DGKI: variants seen among roughly 807,000 people sequenced by gnomAD.
The protein encoded by DGKI is DAG kinase iota.
A neutral mutation model predicts 147.5 loss-of-function variants in DGKI; 55 were observed. The observed-to-expected ratio is 0.37, with a 90% CI of 0.30 to 0.47. The LOEUF is 0.47. Ranked by LOEUF, DGKI falls within the 20% of genes least tolerant of loss-of-function variation. The pLI is 1.00. For missense variants in DGKI, 1,007 were observed against 1,323.8 expected (o/e 0.76, Z 3.71); for synonymous variants, 469 against 477.1 (o/e 0.98, Z 0.22).
intron 1 of DGKI, among the ~76,000 whole-genome samples, chr7:137,754,371 C>T (rs1373818750): frequency 6.6e-6 from 1 of 152,176 alleles, no homozygotes; most frequent in Non-Finnish European, 1.5e-5. Flanking sequence ...TCTTCAGGTC[C>T]TGCCCCTTGT....
chr7:137,779,976 C>T (rs1796471655), intron 1 of DGKI, among the ~76,000 whole-genome samples: 1 of 152,130 alleles, frequency 6.6e-6, no homozygotes, highest in Non-Finnish European at 1.5e-5. Context: ...GACTGCTATT[C>T]AGGAGATGAT....
At chr7:137,697,544 G>C (rs561761502) in intron 1 of DGKI, among the ~76,000 whole-genome samples, 1 of 152,268 alleles carries the variant, frequency 6.6e-6, no homozygotes, top group South Asian at 2.1e-4. Flanking sequence ...CTCTATCAGT[G>C]AATAAGATCT....
intron 30 of DGKI, among the ~76,000 whole-genome samples, chr7:137,406,280 G>T (rs1281651526): frequency 3.9e-5 from 6 of 152,102 alleles, no homozygotes; most frequent in South Asian, 2.1e-4. Flanking sequence ...ATATTAGTGT[G>T]GCTTCACTCT....
chr7:137,508,219 CTTTTTTTTTTTTTT>C (rs1171968411), intron 21 of DGKI, among the ~76,000 whole-genome samples: 4 of 92,532 alleles, frequency 4.3e-5, no homozygotes, highest in Non-Finnish European at 6.6e-5. Context: ...AGACAGGTTT[CTTTTTTTTTTTTTT>C]TTTTTTTTTT....
At chr7:137,617,124 C>T (rs865946998) in intron 8 of DGKI, among the ~76,000 whole-genome samples, 24 of 48,130 alleles carry the variant, frequency 5.0e-4, no homozygotes, top group South Asian at 2.1e-3. Context: ...TCCCTTTTAC[C>T]AAAAAAAAAA....
intron 4 of DGKI, 134 bp from the exon 5 acceptor site, chr7:137,654,922 CT>C: frequency 3.4e-6 from 2 of 586,442 alleles, no homozygotes; most frequent in East Asian, 5.8e-5. Context: ...GAATAATACT[CT>C]TCTTAGTCTT....
At chr7:137,803,438 T>A (rs1365772355) in intron 1 of DGKI, among the ~76,000 whole-genome samples, 7 of 152,220 alleles carry the variant, frequency 4.6e-5, no homozygotes, top group Admixed American at 4.6e-4. Flanking sequence ...AAGATCCTCA[T>A]ATGAATCCTA....
rs555396586 is a variant in DGKI at position 137,605,190 on chromosome 7, C to G, written c.1167+3776G>C. 4.6e-5 allele frequency among the ~76,000 whole-genome samples: 7 copies of G among 152,106 alleles called. No homozygotes were observed. In the South Asian group the frequency reaches 1.5e-3, roughly 32 times the overall value. On this transcript the variant is annotated intron_variant, in intron 10 of 32. Coordinates refer to ENST00000614521, the MANE Select transcript of DGKI (RefSeq NM_001321708.2). ...TGGTGTGGTGACACATGCCTGTAATCCCAGCTACTTGGGAGGCTGAGCCAA... is the reference window on the plus strand; with the variant it reads ...TGGTGTGGTGACACATGCCTGTAATGCCAGCTACTTGGGAGGCTGAGCCAA...
chr7:137,706,269 T>A (rs1162929507), intron 1 of DGKI, among the ~76,000 whole-genome samples: 1 of 151,856 alleles, frequency 6.6e-6, no homozygotes. Context: ...TGGGGTCTCC[T>A]CTTTTCTGTA....
intron 28 of DGKI, among the ~76,000 whole-genome samples, chr7:137,423,698 C>T (rs1000047161): frequency 1.3e-5 from 2 of 152,090 alleles, no homozygotes; most frequent in Non-Finnish European, 2.9e-5. Flanking sequence ...GCCAAACACC[C>T]CTCACTGGAA....
chr7:137,771,583 C>T (rs1307827609), intron 1 of DGKI: 1 of 152,086 alleles, frequency 6.6e-6, no homozygotes, highest in Non-Finnish European at 1.5e-5. Flanking sequence ...TAAATAGATA[C>T]CAATAAACAT....
At chr7:137,829,221 C>G (rs767828167) in intron 1 of DGKI, among the ~76,000 whole-genome samples, 6 of 152,208 alleles carry the variant, frequency 3.9e-5, no homozygotes, top group South Asian at 2.1e-4. Context: ...TAACCTTATC[C>G]TCAGTCACCA....
chr7:137,758,038 T>G (rs938095141), intron 1 of DGKI, among the ~76,000 whole-genome samples: 1 of 152,204 alleles, frequency 6.6e-6, no homozygotes, highest in Non-Finnish European at 1.5e-5. Context: ...GTCCTGTATC[T>G]CCTGGTTTAA....
At chr7:137,504,533 C>T (rs1404082721) in intron 21 of DGKI, among the ~76,000 whole-genome samples, 1 of 152,006 alleles carries the variant, frequency 6.6e-6, no homozygotes, top group East Asian at 1.9e-4. Context: ...ATTAAAAAGT[C>T]AGAAAATAGG....
At chr7:137,836,906 G>T (rs904477554) in intron 1 of DGKI, among the ~76,000 whole-genome samples, 8 of 152,144 alleles carry the variant, frequency 5.3e-5, no homozygotes, top group African/African-American at 1.2e-4. Context: ...GGCCCATGAA[G>T]ATGAAACACA....
At chr7:137,430,240 T>G (rs1384706661) in intron 28 of DGKI, among the ~76,000 whole-genome samples, 1 of 151,760 alleles carries the variant, frequency 6.6e-6, no homozygotes, top group Non-Finnish European at 1.5e-5. Flanking sequence ...AATGATAAGT[T>G]CATGTCCTTT....
At chr7:137,462,642 C>T (rs1256003856) in intron 27 of DGKI, among the ~76,000 whole-genome samples, 1 of 152,124 alleles carries the variant, frequency 6.6e-6, no homozygotes, top group Non-Finnish European at 1.5e-5. Flanking sequence ...CTTCAGTTAT[C>T]TTGTTATTCT....
chr7:137,538,005 C>G (rs914699236), intron 20 of DGKI, among the ~76,000 whole-genome samples: 3 of 152,118 alleles, frequency 2.0e-5, no homozygotes, highest in Admixed American at 1.3e-4. Context: ...AATAAAGAGA[C>G]CTTTCATAAT....
At chr7:137,503,259 T>A (rs759275927) in intron 21 of DGKI, among the ~76,000 whole-genome samples, 3 of 152,112 alleles carry the variant, frequency 2.0e-5, no homozygotes, top group Non-Finnish European at 4.4e-5. Flanking sequence ...AACTATACAA[T>A]TGTGAGCAGA....
Sources: gnomAD v4.1 joint callset for allele counts (sites outside exome capture counted in the v4.1 genomes callset) on GRCh38, gnomAD v4.1.1 for gene constraint, MANE v1.5 for transcripts, NCBI Gene and HGNC (gene_info 2026-07-23, HGNC 2026-07-21) for gene names.